The following PRKCB variants were observed in gnomAD, a reference collection of about 807,000 sequenced individuals.
The protein encoded by PRKCB is protein kinase C beta type.
A neutral mutation model predicts 81.5 loss-of-function variants in PRKCB; 13 were observed. The observed-to-expected ratio is 0.16, with a 90% CI of 0.10 to 0.25. The LOEUF is 0.25. Among genes scored for constraint, PRKCB ranks in the 10% least tolerant of loss-of-function variants. The pLI, the probability that PRKCB is intolerant of heterozygous loss-of-function variation, is 1.00. For synonymous variants in PRKCB, 335 were observed against 321.4 expected, an observed-to-expected ratio of 1.04 and a Z score of -0.45; for missense variants, 509 against 875.7, an observed-to-expected ratio of 0.58 and a Z score of 5.29.
Position 24,183,533 on chromosome 16 carries a change from G to A in PRKCB, c.1534-1578G>A, listed in dbSNP as rs115651440. On this transcript the variant is annotated intron_variant, in intron 13 of 16. Coordinates refer to ENST00000643927, the MANE Select transcript of PRKCB (RefSeq NM_002738.7). ...AATCAAAGTGGGAGATAGAGATCAA[G>A]AAACAAACATTCACTTTATAGCCAA... Among the ~76,000 whole-genome samples the A allele has an allele frequency of 5.4e-3, 817 of 152,264 alleles. 4 individuals are homozygous for A. Among genetic ancestry groups the A allele is most frequent in the African/African-American group, 0.018 (758 of 41,550 alleles).
At chr16:24,067,940 T>C (rs1596535068) in intron 5 of PRKCB, among the ~76,000 whole-genome samples, 2 of 105,918 alleles carry the variant, frequency 1.9e-5, no homozygotes, top group Middle Eastern at 5.8e-3. Context: ...AGACTCCGTC[T>C]CAAAAAAAAA....
At chr16:24,038,346 C>T (rs769560474) in intron 5 of PRKCB, among the ~76,000 whole-genome samples, 1 of 152,226 alleles carries the variant, frequency 6.6e-6, no homozygotes, top group Non-Finnish European at 1.5e-5. Flanking sequence ...TGTAGGATTT[C>T]ATTTCTTTGG....
At chr16:24,035,289 C>A in intron 4 of PRKCB, 130 bp from the exon 5 acceptor site, 2 of 1,253,582 alleles carry the variant, frequency 1.6e-6, no homozygotes, top group Non-Finnish European at 2.2e-6. Flanking sequence ...TTGGTCTCAG[C>A]CAGGCTCGTG....
At chr16:24,108,139 T>A (rs1046150281) in intron 7 of PRKCB, among the ~76,000 whole-genome samples, 6 of 151,624 alleles carry the variant, frequency 4.0e-5, no homozygotes, top group African/African-American at 7.3e-5. Context: ...TAACCTTGAT[T>A]TCCTTGATTT....
At position 23,987,387 on chromosome 16, in the gene PRKCB, G is replaced by C. The variant is rs189181414; in HGVS notation, c.206-1121G>C. Among the ~76,000 whole-genome samples, 8 of 129,192 alleles carry C rather than the reference G, an allele frequency of 6.2e-5. No individual in the cohort carries two copies. In the East Asian group the frequency reaches 1.9e-3, roughly 30 times the overall value. The allele number at this position is 129,192 out of a possible 152,430, so 84.8% of individuals were successfully genotyped here. ...TGCCTTGTAGTTTTCTACATTCTGGGTATTTGGTTGGGGTGGGGGGGGGTG... is the reference window on the plus strand; with the variant it reads ...TGCCTTGTAGTTTTCTACATTCTGGCTATTTGGTTGGGGTGGGGGGGGGTG... On this transcript the variant is annotated intron_variant, in intron 2 of 16. Coordinates refer to ENST00000643927, the MANE Select transcript of PRKCB (RefSeq NM_002738.7).
intron 2 of PRKCB, among the ~76,000 whole-genome samples, chr16:23,906,172 G>A (rs1963558421): frequency 6.6e-6 from 1 of 152,190 alleles, no homozygotes; most frequent in Non-Finnish European, 1.5e-5. Context: ...CCCTCAGACA[G>A]CTTGTTCCCC....
intron 1 of PRKCB, chr16:23,837,172 C>T: frequency 4.3e-6 from 3 of 697,210 alleles, no homozygotes; most frequent in Non-Finnish European, 5.1e-6. Context: ...CTCCTCTCTT[C>T]TGCAGGAGTG....
At chr16:24,071,426 A>C (rs1343165023) in intron 5 of PRKCB, among the ~76,000 whole-genome samples, 1 of 129,380 alleles carries the variant, frequency 7.7e-6, no homozygotes, top group African/African-American at 3.1e-5. Flanking sequence ...TAACATGGTG[A>C]GACCCTGTCT....
At chr16:24,012,583 A>G (rs1965217993) in intron 3 of PRKCB, among the ~76,000 whole-genome samples, 1 of 152,256 alleles carries the variant, frequency 6.6e-6, no homozygotes, top group South Asian at 2.1e-4. Flanking sequence ...TGTTGAAAAC[A>G]TGTCAATGGC....
At chr16:24,029,821 T>G (rs1442221503) in intron 3 of PRKCB, among the ~76,000 whole-genome samples, 1 of 152,238 alleles carries the variant, frequency 6.6e-6, no homozygotes, top group Non-Finnish European at 1.5e-5. Context: ...ACTGGTAGCA[T>G]GTACCAAAGG....
At chr16:24,172,476 G>GA in intron 11 of PRKCB, 115 bp downstream of exon 11, 2 of 783,438 alleles carry the variant, frequency 2.6e-6, no homozygotes, top group African/African-American at 1.8e-5. Context: ...GCATCTTTTT[G>GA]AAAAAATATT....
intron 2 of PRKCB, among the ~76,000 whole-genome samples, chr16:23,937,211 T>C (rs948551809): frequency 2.0e-5 from 3 of 152,198 alleles, no homozygotes; most frequent in Non-Finnish European, 4.4e-5. Context: ...TTAGACTCTT[T>C]GAGGCAAGGC....
At chr16:24,110,304 C>G (rs191676665) in intron 7 of PRKCB, among the ~76,000 whole-genome samples, 1 of 150,014 alleles carries the variant, frequency 6.7e-6, no homozygotes, top group Admixed American at 6.6e-5. Context: ...CTCTGCCTCC[C>G]GGGTTCAAGC....
At chr16:24,152,772 T>A (rs980411038) in intron 9 of PRKCB, among the ~76,000 whole-genome samples, 1 of 152,142 alleles carries the variant, frequency 6.6e-6, no homozygotes, top group African/African-American at 2.4e-5. Context: ...AAGGTGCCCA[T>A]CCTAGCACTT....
intron 13 of PRKCB, among the ~76,000 whole-genome samples, chr16:24,181,254 T>C (rs1967617315): frequency 6.6e-6 from 1 of 152,104 alleles, no homozygotes; most frequent in Admixed American, 6.5e-5. Context: ...GACATTGAAA[T>C]GTTTGTTGAG....
chr16:23,836,427 GCGCC>G (rs1962158743), intron 1 of PRKCB, 79 bp downstream of exon 1: 10 of 102,446 alleles, frequency 9.8e-5, no homozygotes, highest in Non-Finnish European at 1.4e-4. Flanking sequence ...CGCGCCCTCT[GCGCC>G]CTCCGCGCCC....
At chr16:23,914,831 G>A (rs1288911596) in intron 2 of PRKCB, among the ~76,000 whole-genome samples, 1 of 152,222 alleles carries the variant, frequency 6.6e-6, no homozygotes, top group Admixed American at 6.5e-5. Flanking sequence ...GCAGTGGACT[G>A]TACTGGTGAT....
intron 2 of PRKCB, among the ~76,000 whole-genome samples, chr16:23,856,994 C>CT (rs538669143): frequency 2.1e-4 from 31 of 150,608 alleles, no homozygotes; most frequent in East Asian, 1.2e-3. Flanking sequence ...ACTGTTGAGG[C>CT]TTTTTTTTTA....
At chr16:24,014,916 C>T (rs1242953038) in intron 3 of PRKCB, among the ~76,000 whole-genome samples, 1 of 152,244 alleles carries the variant, frequency 6.6e-6, no homozygotes. Flanking sequence ...GCCTCAACTT[C>T]CTCCCAAGTA....
Sources: gnomAD v4.1 joint callset for allele counts (sites outside exome capture counted in the v4.1 genomes callset) on GRCh38, gnomAD v4.1.1 for gene constraint, MANE v1.5 for transcripts, NCBI Gene and HGNC (gene_info 2026-07-23, HGNC 2026-07-21) for gene names.